WBP4: variants seen among roughly 807,000 people sequenced by gnomAD.
WBP4 encodes WW domain-binding protein 4.
WBP4 carries 37 observed loss-of-function variants against 55.4 expected under a neutral mutation model. That is an observed-to-expected ratio of 0.67 (90% CI 0.51 to 0.88). The LOEUF is 0.88. Among genes scored for constraint, WBP4 ranks in the 40% least tolerant of loss-of-function variants. WBP4 has a pLI of 0.00. For synonymous variants in WBP4, 142 were observed against 140.2 expected (o/e 1.01, Z -0.09); for missense variants, 398 against 420.8 (o/e 0.95, Z 0.47).
Position 41,065,250 on chromosome 13 carries a change from A to G in WBP4, c.225A>G (p.Ala75=), listed in dbSNP as rs759823593. The G allele has an allele frequency of 6.2e-7, 1 of 1,609,250 alleles. No individual in the cohort carries two copies. Among genetic ancestry groups the G allele is most frequent in the African/African-American group, 1.3e-5 (1 of 74,508 alleles). ...CAATGGAGGCAGCTGCCCTGAAAGC[A>G]TACCAAGAGGATTTGAAAAGACTTG... ...FAAMEAAALK[A]YQEDLKRLGL... The change falls in exon 4 of 10, where the codon GCA becomes GCG. Residue 75 remains alanine (A), a synonymous_variant. Coordinates refer to ENST00000379487, the MANE Select transcript of WBP4 (RefSeq NM_007187.5).
Position 41,074,166 on chromosome 13 carries a change from C to T in WBP4, c.562+1309C>T, listed in dbSNP as rs540285409. Among the ~76,000 whole-genome samples, 379 of 152,076 alleles carry T rather than the reference C, an allele frequency of 2.5e-3. 1 individual carries two copies. Among genetic ancestry groups the T allele is most frequent in the Non-Finnish European group, 4.3e-3 (293 of 67,956 alleles). On this transcript the variant is annotated intron_variant, in intron 7 of 9. Coordinates refer to ENST00000379487, the MANE Select transcript of WBP4 (RefSeq NM_007187.5). The stretch of plus-strand genomic sequence containing the variant: ...CAGGATGGTCTCGATCTCCTGACCT[C>T]GTGATCCGCCCGCCTCGGCCTCCCA...
intron 8 of WBP4, among the ~76,000 whole-genome samples, chr13:41,080,167 T>C (rs1037997186): frequency 6.6e-5 from 10 of 152,170 alleles, no homozygotes; most frequent in African/African-American, 2.4e-4. Flanking sequence ...TGACATAATA[T>C]ATACATGTAA....
chr13:41,061,585 C>G lies in WBP4; in HGVS notation c.-89C>G. On this transcript the variant is annotated 5_prime_UTR_variant, in exon 1 of 10. The change creates a new upstream start codon in the 5' untranslated region. Transcript: ENST00000379487. ...ATCGGAGGGAGGTTCGGGTGGGCAT[C>G]GGGCGGCTGGAAGAGCTCGACTCGT... is the stretch of plus-strand genomic sequence containing the variant. 1 of 1,605,342 alleles carries G rather than the reference C, an allele frequency of 6.2e-7. No individual in the cohort carries two copies. Among genetic ancestry groups the G allele is most frequent in the Non-Finnish European group, 8.5e-7 (1 of 1,173,898 alleles).
intron 8 of WBP4, 60 bp downstream of exon 8, chr13:41,076,297 T>G (rs1878488967): frequency 1.4e-6 from 1 of 724,658 alleles, no homozygotes; most frequent in Non-Finnish European, 2.1e-6. Context: ...TTTTTTTTTT[T>G]GAGATGGAGT....
chr13:41,078,611 T>C (rs1291439649), intron 8 of WBP4, among the ~76,000 whole-genome samples: 2 of 152,308 alleles, frequency 1.3e-5, no homozygotes, highest in East Asian at 1.9e-4. Context: ...GCGGATCACC[T>C]GAGGTCGAGA....
intron 8 of WBP4, among the ~76,000 whole-genome samples, chr13:41,078,413 T>C (rs1878596928): frequency 6.6e-6 from 1 of 152,130 alleles, no homozygotes; most frequent in Non-Finnish European, 1.5e-5. Context: ...ATTCAATAAA[T>C]GATCCTGGGA....
In WBP4 at chr13:41,064,049, C is replaced by T. The variant is rs145294908; in HGVS notation, c.76-967C>T. 1.1e-4 allele frequency among the ~76,000 whole-genome samples: 16 copies of T among 151,856 alleles called. No individual in the cohort carries two copies. In the East Asian group the frequency reaches 2.3e-3, roughly 22 times the overall value. On this transcript the variant is annotated intron_variant, in intron 2 of 9. Transcript: ENST00000379487. ...CTGTCCCCAGTCATCTAGTGGCCAT[C>T]ACTCCCCATAGGTTATCATTTTTTT...
At chr13:41,065,356 A>G in intron 4 of WBP4, 69 bp downstream of exon 4, 1 of 1,492,702 alleles carries the variant, frequency 6.7e-7, no homozygotes, top group Non-Finnish European at 8.9e-7. Flanking sequence ...AAGCTAAGTA[A>G]GCTTTGATTG....
rs570205775 is a variant in WBP4 at position 41,080,914 on chromosome 13, A to G, written c.920+105A>G. 8.9e-5 allele frequency: 116 copies of G among 1,302,344 alleles called. 1 individual carries two copies. The South Asian group carries it at 1.4e-3, about 16-fold the overall frequency. 80.7% of individuals were successfully genotyped at this position (1,302,344 alleles called of 1,614,324 possible). On this transcript the variant is annotated intron_variant, in intron 9 of 9. Coordinates refer to ENST00000379487, the MANE Select transcript of WBP4 (RefSeq NM_007187.5). ...TTTCAAGGATGCTGTGCTTATTAAA[A>G]GTATAGCTTGAGGCCAGATGCACCC...
At chr13:41,081,931 C>T (rs2772183) in intron 9 of WBP4, among the ~76,000 whole-genome samples, 127,981 of 152,250 alleles carry the variant, frequency 0.84, 54,913 homozygotes, top group Non-Finnish European at 0.92. Context: ...ACGATCTTTC[C>T]GGTCCATTTT....
chr13:41,061,539 G>T lies in WBP4; in HGVS notation c.-135G>T, dbSNP rs1227196185. 7.3e-5 allele frequency: 102 copies of T among 1,402,464 alleles called. No homozygotes were observed. Among genetic ancestry groups the T allele is most frequent in the Non-Finnish European group, 1.0e-4 (101 of 1,006,874 alleles). 86.9% of individuals were successfully genotyped at this position (1,402,464 alleles called of 1,614,324 possible). On this transcript the variant is annotated 5_prime_UTR_variant, in exon 1 of 10. Transcript: ENST00000379487. Reference sequence around the variant, plus strand: ...TGGGAACAGCGGAACGCTGGTCCCGGGGACTGAGTAAGGTGTCTGGATCGG... The same window carrying T: ...TGGGAACAGCGGAACGCTGGTCCCGTGGACTGAGTAAGGTGTCTGGATCGG...
intron 4 of WBP4, 21 bp downstream of exon 4, chr13:41,065,308 AAAGC>A: frequency 1.3e-6 from 2 of 1,545,680 alleles, no homozygotes; most frequent in African/African-American, 1.4e-5. Flanking sequence ...AAAAAAAAAA[AAAGC>A]AGCCAGCATG....
chr13:41,070,197 G>C (rs1391563901), intron 5 of WBP4, among the ~76,000 whole-genome samples: 2 of 152,042 alleles, frequency 1.3e-5, no homozygotes, highest in Non-Finnish European at 2.9e-5. Context: ...ATTACCATAG[G>C]AATTACTTTT....
rs1878732903 is a variant in WBP4, at chr13:41,080,712, CAG to C, written c.825_826del (p.Asn276PhefsTer6). ...ETQKEKSIQK[Q>X]NSLGSNEEKS... is the part of the protein sequence containing the mutation. ...ACAGAAAGAAAAAAGTATTCAGAAA[CAG>C]AATTCATTAGGTTCAAATGAAGAAA... On this transcript the variant is annotated frameshift_variant, in exon 9 of 10. Transcript: ENST00000379487. LOFTEE classifies it high-confidence loss of function. 2 of 1,604,520 alleles carry C rather than the reference CAG, an allele frequency of 1.2e-6. No homozygotes were observed. Among genetic ancestry groups the C allele is most frequent in the Non-Finnish European group, 1.7e-6 (2 of 1,177,656 alleles).
chr13:41,064,908 A>G, intron 2 of WBP4, 108 bp from the exon 3 acceptor site: 1 of 1,041,132 alleles, frequency 9.6e-7, no homozygotes, highest in Non-Finnish European at 1.4e-6. Context: ...CTTTTCTGCC[A>G]TTCATTTTAA....
At position 41,082,968 on chromosome 13, in the gene WBP4, C is replaced by G. The variant is rs1186864236; in HGVS notation, c.*54C>G. The G allele has an allele frequency of 6.6e-7, 1 of 1,513,476 alleles. No individual in the cohort carries two copies. Among genetic ancestry groups the G allele is most frequent in the African/African-American group, 1.4e-5 (1 of 71,768 alleles). The allele number at this position is 1,513,476 out of a possible 1,614,324, so 93.8% of individuals were successfully genotyped here. On this transcript the variant is annotated 3_prime_UTR_variant, in exon 10 of 10. Coordinates refer to ENST00000379487, the MANE Select transcript of WBP4 (RefSeq NM_007187.5). ...TAGGACAGAATGGAGACTTATACAC[C>G]CAAAGTTTATCTGTGTTTGTTTGTA...
At chr13:41,075,472 C>A (rs980266320) in intron 7 of WBP4, among the ~76,000 whole-genome samples, 1 of 152,130 alleles carries the variant, frequency 6.6e-6, no homozygotes, top group African/African-American at 2.4e-5. Context: ...GCCTCTATTT[C>A]CTGGGCTCAA....
At position 41,075,516 on chromosome 13, in the gene WBP4, G is replaced by A. The variant is rs1274994271; in HGVS notation, c.563-528G>A. Among the ~76,000 whole-genome samples, 3 of 152,184 alleles carry A rather than the reference G, an allele frequency of 2.0e-5. No individual in the cohort carries two copies. In the East Asian group the frequency reaches 5.8e-4, roughly 29 times the overall value. On this transcript the variant is annotated intron_variant, in intron 7 of 9. Coordinates refer to ENST00000379487, the MANE Select transcript of WBP4 (RefSeq NM_007187.5). The stretch of plus-strand genomic sequence containing the variant: ...CCCGCCTCAGCCTCCTGAGTAGTGG[G>A]TACTGCAGGAATATGGCATGATGCC...
At chr13:41,068,529 A>G (rs1878079284) in intron 4 of WBP4, 32 bp from the exon 5 acceptor site, 6 of 1,523,744 alleles carry the variant, frequency 3.9e-6, no homozygotes, top group African/African-American at 1.4e-5. Context: ...AGTAGTTACT[A>G]TAGCTGCTTT....
Sources: allele counts gnomAD v4.1 joint callset (sites outside exome capture counted in the v4.1 genomes callset), GRCh38; gene constraint gnomAD v4.1.1; transcripts MANE v1.5; gene names NCBI Gene and HGNC (gene_info 2026-07-23, HGNC 2026-07-21).